CHCHD3: variants seen among roughly 807,000 people sequenced by gnomAD.
CHCHD3 encodes MICOS complex subunit MIC19.
Under a neutral mutation model 38.2 loss-of-function variants are expected in CHCHD3, and 20 were observed. The observed-to-expected ratio is 0.52, with a 90% CI of 0.37 to 0.76. The LOEUF is 0.76. Ranked by LOEUF, CHCHD3 falls within the 30% of genes least tolerant of loss-of-function variation. The probability of loss-of-function intolerance (pLI) is 0.00; values close to 1 mark genes in which losing one functional copy is unlikely to be tolerated. For missense variants in CHCHD3, 245 were observed against 279.2 expected (o/e 0.88, Z 0.87); for synonymous variants, 82 against 100.0 (o/e 0.82, Z 1.07).
At chr7:132,938,265 AT>A (rs1234973731) in intron 4 of CHCHD3, among the ~76,000 whole-genome samples, 1 of 152,184 alleles carries the variant, frequency 6.6e-6, no homozygotes, top group Non-Finnish European at 1.5e-5. Context: ...ATCATACCCT[AT>A]TTAACAGATG....
At chr7:132,984,916 G>A (rs1324319455) in intron 3 of CHCHD3, among the ~76,000 whole-genome samples, 9 of 87,618 alleles carry the variant, frequency 1.0e-4, no homozygotes, top group South Asian at 3.8e-4. Flanking sequence ...TCAGCCCCCC[G>A]CCCGGCCAGC....
intron 4 of CHCHD3, among the ~76,000 whole-genome samples, chr7:132,906,668 AG>A (rs750459420): frequency 6.6e-6 from 1 of 151,296 alleles, no homozygotes; most frequent in Non-Finnish European, 1.5e-5. Context: ...TGAATACGGC[AG>A]TAATGATGAC....
At chr7:133,061,343 A>T (rs573344533) in intron 2 of CHCHD3, among the ~76,000 whole-genome samples, 1 of 152,258 alleles carries the variant, frequency 6.6e-6, no homozygotes, top group Admixed American at 6.5e-5. Context: ...GGGATGGGAG[A>T]AACTGCAAAG....
chr7:132,972,008 C>A (rs1811625530), intron 4 of CHCHD3, among the ~76,000 whole-genome samples: 1 of 152,062 alleles, frequency 6.6e-6, no homozygotes, highest in Non-Finnish European at 1.5e-5. Flanking sequence ...GTCCACACCG[C>A]ACAGTACTGG....
chr7:132,991,746 G>GT (rs1005750992), intron 3 of CHCHD3, among the ~76,000 whole-genome samples: 69 of 149,718 alleles, frequency 4.6e-4, no homozygotes, highest in African/African-American at 9.8e-4. Context: ...AAAACTCTTA[G>GT]TTTTTTTTTT....
At position 133,058,325 on chromosome 7, in the gene CHCHD3, C is replaced by T. The variant is rs138555195; in HGVS notation, c.169+11817G>A. Among the ~76,000 whole-genome samples, 26 of 151,798 alleles carry T rather than the reference C, an allele frequency of 1.7e-4. No homozygotes were observed. In the East Asian group the frequency reaches 3.5e-3, roughly 20 times the overall value. On this transcript the variant is annotated intron_variant, in intron 2 of 7. Transcript: ENST00000262570. ...TGCAAACATAGTACACTTCCAAGCT[C>T]GATCTCCTGGGCTCAAGGGATCCTC...
intron 3 of CHCHD3, among the ~76,000 whole-genome samples, chr7:133,023,884 G>A (rs771747401): frequency 1.6e-4 from 24 of 151,968 alleles, no homozygotes; most frequent in Non-Finnish European, 2.9e-4. Flanking sequence ...GAGGATGGTC[G>A]GTTTGGATTG....
At chr7:132,829,724 T>C (rs1250649280) in intron 6 of CHCHD3, among the ~76,000 whole-genome samples, 1 of 152,208 alleles carries the variant, frequency 6.6e-6, no homozygotes, top group African/African-American at 2.4e-5. Context: ...CTGAGATTCC[T>C]TTACACCCTA....
chr7:132,903,392 G>A (rs376951189), intron 4 of CHCHD3, among the ~76,000 whole-genome samples: 20 of 152,224 alleles, frequency 1.3e-4, no homozygotes, highest in African/African-American at 2.2e-4. Context: ...TGCAGAAGCC[G>A]TGGACACAAA....
chr7:133,000,172 A>AT (rs1309591417), intron 3 of CHCHD3, among the ~76,000 whole-genome samples: 1 of 152,144 alleles, frequency 6.6e-6, no homozygotes, highest in Non-Finnish European at 1.5e-5. Context: ...TGAGACCTTA[A>AT]TTGCCACCAG....
intron 3 of CHCHD3, among the ~76,000 whole-genome samples, chr7:132,984,558 T>G (rs1278619432): frequency 3.1e-5 from 4 of 128,990 alleles, no homozygotes; most frequent in African/African-American, 8.9e-5. Flanking sequence ...TCTGCCTGGC[T>G]GCCCAGTCTG....
At chr7:132,877,456 T>C (rs1015709922) in intron 5 of CHCHD3, among the ~76,000 whole-genome samples, 9 of 152,196 alleles carry the variant, frequency 5.9e-5, no homozygotes, top group African/African-American at 2.2e-4. Flanking sequence ...GTAAAATGGT[T>C]CCATCTTTGC....
intron 6 of CHCHD3, among the ~76,000 whole-genome samples, chr7:132,827,760 A>C (rs1346502201): frequency 6.6e-6 from 1 of 152,190 alleles, no homozygotes; most frequent in East Asian, 1.9e-4. Context: ...ACATCGTTTA[A>C]ATGAACCACA....
intron 2 of CHCHD3, among the ~76,000 whole-genome samples, chr7:133,034,139 G>A (rs531304579): frequency 1.1e-4 from 16 of 152,206 alleles, no homozygotes; most frequent in African/African-American, 3.4e-4. Flanking sequence ...ACAGGATAGC[G>A]CTTGACCATT....
chr7:132,935,839 A>G (rs1203700117), intron 4 of CHCHD3, among the ~76,000 whole-genome samples: 1 of 152,230 alleles, frequency 6.6e-6, no homozygotes, highest in African/African-American at 2.4e-5. Flanking sequence ...TGCAAAGTCC[A>G]AGGGCATGGC....
chr7:132,785,842 A>C (rs1806302612), intron 7 of CHCHD3, among the ~76,000 whole-genome samples, 182 bp from the exon 8 acceptor site: 1 of 152,192 alleles, frequency 6.6e-6, no homozygotes, highest in African/African-American at 2.4e-5. Flanking sequence ...TGCTTTATCA[A>C]TATGATCTTT....
chr7:132,898,979 G>A (rs867798796), intron 4 of CHCHD3, among the ~76,000 whole-genome samples: 5 of 152,266 alleles, frequency 3.3e-5, no homozygotes, highest in African/African-American at 9.6e-5. Context: ...GTTCCCGCTC[G>A]CGCCTCCCCC....
chr7:132,954,274 T>C (rs1252521539), intron 4 of CHCHD3, among the ~76,000 whole-genome samples: 1 of 152,168 alleles, frequency 6.6e-6, no homozygotes, highest in Non-Finnish European at 1.5e-5. Flanking sequence ...CAGCACCTGG[T>C]GCAGAGGAGC....
intron 5 of CHCHD3, among the ~76,000 whole-genome samples, chr7:132,869,055 T>C (rs1562890701): frequency 1.3e-5 from 2 of 152,220 alleles, no homozygotes; most frequent in Non-Finnish European, 2.9e-5. Flanking sequence ...ATCCTTGTTC[T>C]GCACTGATAT....
Sources: gnomAD v4.1 joint callset for allele counts (sites outside exome capture counted in the v4.1 genomes callset) on GRCh38, gnomAD v4.1.1 for gene constraint, MANE v1.5 for transcripts, NCBI Gene and HGNC (gene_info 2026-07-23, HGNC 2026-07-21) for gene names.